The following CSMD3 variants were observed in gnomAD, a reference collection of about 807,000 sequenced individuals.
CSMD3 encodes CUB and Sushi multiple domains 3, also known as CUB and sushi domain-containing protein 3.
A neutral mutation model predicts 435.2 loss-of-function variants in CSMD3; 177 were observed. The observed-to-expected ratio is 0.41, with a 90% CI of 0.36 to 0.46. The LOEUF (loss-of-function observed/expected upper bound fraction) is 0.46. CSMD3 is among the 20% of genes least tolerant of loss of function. CSMD3 has a pLI of 0.34. For synonymous variants in CSMD3, 1,656 were observed against 1,520.5 expected (o/e 1.09, Z -2.07); for missense variants, 4,265 against 4,504.6 (o/e 0.95, Z 1.52).
chr8:113,388,239 A>G (rs1190621273), intron 1 of CSMD3, among the ~76,000 whole-genome samples: 3 of 151,794 alleles, frequency 2.0e-5, no homozygotes, highest in Non-Finnish European at 4.4e-5. Context: ...AGAGACAAAC[A>G]TAATAGTTCC....
intron 11 of CSMD3, among the ~76,000 whole-genome samples, chr8:112,840,167 G>A (rs948958612): frequency 1.3e-5 from 2 of 151,698 alleles, no homozygotes; most frequent in African/African-American, 4.8e-5. Flanking sequence ...TGTAGCCCAT[G>A]AATGAATTCT....
intron 9 of CSMD3, among the ~76,000 whole-genome samples, chr8:112,940,967 A>G (rs1021254540): frequency 5.9e-5 from 9 of 151,860 alleles, no homozygotes; most frequent in Non-Finnish European, 1.2e-4. Context: ...CACATACAGA[A>G]ACATGAATAC....
At chr8:112,458,145 G>C (rs1292301584) in intron 32 of CSMD3, among the ~76,000 whole-genome samples, 2 of 151,450 alleles carry the variant, frequency 1.3e-5, no homozygotes, top group Non-Finnish European at 2.9e-5. Flanking sequence ...TATTAGCGCA[G>C]TATTTTCATT....
At chr8:112,496,580 T>TA (rs894798441) in intron 30 of CSMD3, among the ~76,000 whole-genome samples, 8 of 151,444 alleles carry the variant, frequency 5.3e-5, no homozygotes, top group South Asian at 2.1e-4. Flanking sequence ...GACAAATGCA[T>TA]AAAAAAAAGT....
intron 30 of CSMD3, among the ~76,000 whole-genome samples, 173 bp downstream of exon 30, chr8:112,503,617 C>T (rs1003107939): frequency 6.6e-6 from 1 of 152,028 alleles, no homozygotes; most frequent in Non-Finnish European, 1.5e-5. Context: ...ATTTCCTTCC[C>T]ACTAATAAGA....
chr8:113,127,911 A>C (rs931595503), intron 4 of CSMD3, among the ~76,000 whole-genome samples: 13 of 152,012 alleles, frequency 8.6e-5, no homozygotes, highest in Non-Finnish European at 7.4e-5. Flanking sequence ...TTAGTCAAAC[A>C]CTTCAACCCA....
intron 3 of CSMD3, among the ~76,000 whole-genome samples, chr8:113,243,642 T>C (rs2093244129): frequency 6.6e-6 from 1 of 152,142 alleles, no homozygotes; most frequent in African/African-American, 2.4e-5. Flanking sequence ...CTAGAATTGC[T>C]AGATTATATG....
At chr8:112,530,442 C>T (rs1405543318) in intron 27 of CSMD3, among the ~76,000 whole-genome samples, 1 of 152,102 alleles carries the variant, frequency 6.6e-6, no homozygotes, top group Non-Finnish European at 1.5e-5. Context: ...ATAAGGGAAG[C>T]TCCATAAGAG....
chr8:113,063,716 ACT>A (rs2088718760), intron 5 of CSMD3, among the ~76,000 whole-genome samples: 1 of 151,718 alleles, frequency 6.6e-6, no homozygotes, highest in South Asian at 2.1e-4. Context: ...ACCAAACATA[ACT>A]CTATTTAGTT....
chr8:113,339,084 C>G (rs1470584690), intron 1 of CSMD3, among the ~76,000 whole-genome samples: 1 of 151,814 alleles, frequency 6.6e-6, no homozygotes, highest in Non-Finnish European at 1.5e-5. Context: ...CATATTATGC[C>G]TCAGATTCTT....
intron 6 of CSMD3, among the ~76,000 whole-genome samples, chr8:112,990,450 C>T (rs2085413597): frequency 6.6e-6 from 1 of 151,672 alleles, no homozygotes; most frequent in Non-Finnish European, 1.5e-5. Context: ...GGGTTAAATG[C>T]TTGAGTTTTA....
At chr8:113,240,566 T>A (rs982416527) in intron 3 of CSMD3, among the ~76,000 whole-genome samples, 14 of 152,298 alleles carry the variant, frequency 9.2e-5, no homozygotes, top group Admixed American at 4.6e-4. Context: ...AGTTTCTGCA[T>A]CAGTAATTAA....
At chr8:112,917,124 T>C (rs1035490271) in intron 10 of CSMD3, among the ~76,000 whole-genome samples, 8 of 151,944 alleles carry the variant, frequency 5.3e-5, no homozygotes, top group African/African-American at 1.7e-4. Context: ...GTAGACCATA[T>C]TGATAACTGT....
chr8:113,043,215 T>C (rs2087697993), intron 5 of CSMD3, among the ~76,000 whole-genome samples: 1 of 152,184 alleles, frequency 6.6e-6, no homozygotes, highest in South Asian at 2.1e-4. Flanking sequence ...CTAACTTATA[T>C]TTATGTCTTA....
At chr8:113,144,479 A>G (rs2091625006) in intron 4 of CSMD3, among the ~76,000 whole-genome samples, 1 of 151,590 alleles carries the variant, frequency 6.6e-6, no homozygotes. Flanking sequence ...ACTTGTACTC[A>G]ATAATTCTCG....
intron 1 of CSMD3, among the ~76,000 whole-genome samples, chr8:113,332,834 T>C (rs944200474): frequency 8.6e-5 from 13 of 151,458 alleles, no homozygotes; most frequent in Non-Finnish European, 1.3e-4. Context: ...CCAAAACAAT[T>C]TGGAAAAAAA....
At chr8:112,412,980 A>G (rs1260463527) in intron 32 of CSMD3, among the ~76,000 whole-genome samples, 2 of 152,180 alleles carry the variant, frequency 1.3e-5, no homozygotes, top group Admixed American at 1.3e-4. Context: ...GAGTATTGCT[A>G]TACTGATCAA....
At chr8:113,275,430 G>A (rs886430625) in intron 3 of CSMD3, among the ~76,000 whole-genome samples, 1 of 151,964 alleles carries the variant, frequency 6.6e-6, no homozygotes, top group African/African-American at 2.4e-5. Flanking sequence ...AGGGCTCCAC[G>A]GCAGAGTCTG....
chr8:113,206,986 T>C (rs2092778008), intron 3 of CSMD3, among the ~76,000 whole-genome samples: 1 of 152,284 alleles, frequency 6.6e-6, no homozygotes, highest in Admixed American at 6.5e-5. Flanking sequence ...TTTCGGCATC[T>C]AGTTGGGCAC....
Sources: gnomAD v4.1 joint callset for allele counts (sites outside exome capture counted in the v4.1 genomes callset) on GRCh38, gnomAD v4.1.1 for gene constraint, MANE v1.5 for transcripts, NCBI Gene and HGNC (gene_info 2026-07-23, HGNC 2026-07-21) for gene names.